Variants in MYRIP observed in about 807,000 individuals in gnomAD.
MYRIP encodes myosin VIIA and Rab interacting protein.
A neutral mutation model predicts 98.0 loss-of-function variants in MYRIP; 49 were observed. The ratio of observed to expected loss-of-function variants is 0.50; its 90% CI spans 0.40 to 0.63. MYRIP has a LOEUF of 0.63. Ranked by LOEUF, MYRIP falls within the 30% of genes least tolerant of loss-of-function variation. MYRIP has a pLI of 0.00. For synonymous variants in MYRIP, 404 were observed against 409.5 expected (o/e 0.99, Z 0.16); for missense variants, 1,004 against 1,058.2 (o/e 0.95, Z 0.71).
rs550384468 is a variant in MYRIP at position 39,981,068 on chromosome 3, G to A, written c.111-62982G>A. Among the ~76,000 whole-genome samples, 166 of 152,218 alleles carry A rather than the reference G, an allele frequency of 1.1e-3. 1 individual carries two copies. The highest frequency in any genetic ancestry group is 3.7e-3 in the African/African-American group (153 of 41,552). The stretch of plus-strand genomic sequence containing the variant: ...TTTTATGTTGTATATATTTTACCAC[G>A]ATTAAAATAACATAAGTGTCATGGA... On this transcript the variant is annotated intron_variant, in intron 2 of 16. Transcript: ENST00000302541.
intron 1 of MYRIP, among the ~76,000 whole-genome samples, chr3:39,839,958 G>T (rs1941746824): frequency 6.6e-6 from 1 of 152,200 alleles, no homozygotes; most frequent in Admixed American, 6.5e-5. Flanking sequence ...TTGATTTGGG[G>T]TGGAGAGTTC....
At chr3:40,107,211 C>T (rs1258312395) in intron 3 of MYRIP, among the ~76,000 whole-genome samples, 7 of 152,206 alleles carry the variant, frequency 4.6e-5, no homozygotes, top group Admixed American at 3.9e-4. Context: ...CCAGGCCAGG[C>T]ACTGGAGATG....
At chr3:39,916,679 T>C (rs1056307023) in intron 2 of MYRIP, among the ~76,000 whole-genome samples, 1 of 152,058 alleles carries the variant, frequency 6.6e-6, no homozygotes, top group African/African-American at 2.4e-5. Flanking sequence ...CCACAAACCT[T>C]CCTCATTTGT....
chr3:39,828,333 C>A (rs1157660303), intron 1 of MYRIP, among the ~76,000 whole-genome samples: 2 of 151,826 alleles, frequency 1.3e-5, no homozygotes, highest in East Asian at 3.9e-4. Flanking sequence ...AAAAACTTAT[C>A]TTTAAGTTCA....
intron 2 of MYRIP, among the ~76,000 whole-genome samples, chr3:39,988,330 T>C (rs1255933486): frequency 6.6e-6 from 1 of 152,142 alleles, no homozygotes; most frequent in African/African-American, 2.4e-5. Flanking sequence ...AAAAAGATTG[T>C]TGAATATTGG....
At chr3:39,815,243 A>G (rs1940860741) in intron 1 of MYRIP, among the ~76,000 whole-genome samples, 1 of 152,182 alleles carries the variant, frequency 6.6e-6, no homozygotes, top group Non-Finnish European at 1.5e-5. Context: ...ACATTTGCCC[A>G]TTCTGGATAT....
intron 16 of MYRIP, among the ~76,000 whole-genome samples, chr3:40,256,504 T>C (rs556998546): frequency 1.3e-5 from 2 of 152,040 alleles, no homozygotes; most frequent in African/African-American, 4.8e-5. Context: ...AGAAATGATC[T>C]CTCTACATCT....
At chr3:39,872,120 T>A (rs1456569259) in intron 1 of MYRIP, among the ~76,000 whole-genome samples, 1 of 152,084 alleles carries the variant, frequency 6.6e-6, no homozygotes. Flanking sequence ...CATATTATTT[T>A]TCATTTGCTT....
At chr3:39,889,819 T>G (rs563907124) in intron 1 of MYRIP, among the ~76,000 whole-genome samples, 1 of 152,294 alleles carries the variant, frequency 6.6e-6, no homozygotes, top group South Asian at 2.1e-4. Flanking sequence ...AGAAAGGCAT[T>G]TCCTACTCTG....
chr3:40,245,892 G>A (rs1195288057), intron 13 of MYRIP, among the ~76,000 whole-genome samples: 4 of 146,980 alleles, frequency 2.7e-5, no homozygotes, highest in Admixed American at 6.8e-5. Flanking sequence ...GATTACAAGT[G>A]CACGCCACCA....
chr3:40,127,095 G>C (rs1281532124), intron 3 of MYRIP, among the ~76,000 whole-genome samples: 1 of 152,152 alleles, frequency 6.6e-6, no homozygotes, highest in Admixed American at 6.5e-5. Flanking sequence ...GGTCCATATA[G>C]AATAACAACC....
At chr3:40,115,247 A>G (rs562431841) in intron 3 of MYRIP, among the ~76,000 whole-genome samples, 2 of 152,236 alleles carry the variant, frequency 1.3e-5, no homozygotes, top group Non-Finnish European at 2.9e-5. Context: ...TAAAAATAAA[A>G]TTAGTATTTT....
At chr3:40,001,004 C>A (rs1946506496) in intron 2 of MYRIP, among the ~76,000 whole-genome samples, 1 of 152,162 alleles carries the variant, frequency 6.6e-6, no homozygotes, top group South Asian at 2.1e-4. Context: ...CAAAGTGTGA[C>A]AGTGGACTGC....
At chr3:39,953,890 G>A (rs996344958) in intron 2 of MYRIP, among the ~76,000 whole-genome samples, 9 of 152,272 alleles carry the variant, frequency 5.9e-5, no homozygotes, top group East Asian at 1.9e-4. Context: ...AGGGTCCCAC[G>A]CCCATGGAGT....
intron 2 of MYRIP, among the ~76,000 whole-genome samples, chr3:39,948,534 A>T (rs1204747360): frequency 1.3e-5 from 2 of 152,142 alleles, no homozygotes; most frequent in African/African-American, 4.8e-5. Context: ...TTTAAATAAA[A>T]CTTAACACAC....
At chr3:40,088,983 G>A (rs1002614527) in intron 3 of MYRIP, among the ~76,000 whole-genome samples, 1 of 151,920 alleles carries the variant, frequency 6.6e-6, no homozygotes, top group Non-Finnish European at 1.5e-5. Flanking sequence ...GAGAGATCTA[G>A]GCATGCAGAG....
rs574180132 is a variant in MYRIP, at chr3:39,949,431, A to AT, written c.110+48511dup. Among the ~76,000 whole-genome samples the AT allele has an allele frequency of 1.5e-3, 224 of 152,132 alleles. 5 individuals are homozygous for AT. In the South Asian group the frequency reaches 0.045, roughly 30 times the overall value. Reference sequence around the variant, plus strand: ...ATACACTCAATGTTGAATCACCTCAATTTTTTCATCTGTATCATGGTAATA... The same window carrying AT: ...ATACACTCAATGTTGAATCACCTCAATTTTTTTCATCTGTATCATGGTAATA... On this transcript the variant is annotated intron_variant, in intron 2 of 16. Transcript: ENST00000302541.
At chr3:39,853,620 T>C (rs1942203935) in intron 1 of MYRIP, among the ~76,000 whole-genome samples, 1 of 152,118 alleles carries the variant, frequency 6.6e-6, no homozygotes, top group Admixed American at 6.6e-5. Context: ...TTTTTCTTGA[T>C]GACTTGTTTG....
chr3:40,187,105 G>A (rs1026171273), intron 9 of MYRIP, among the ~76,000 whole-genome samples: 1 of 152,214 alleles, frequency 6.6e-6, no homozygotes, highest in African/African-American at 2.4e-5. Flanking sequence ...GAGTGCATGG[G>A]TGTTAATTCA....
Sources: allele counts gnomAD v4.1 joint callset (sites outside exome capture counted in the v4.1 genomes callset), GRCh38; gene constraint gnomAD v4.1.1; transcripts MANE v1.5; gene names NCBI Gene and HGNC (gene_info 2026-07-23, HGNC 2026-07-21).